Variants in WNT9B observed in about 807,000 individuals in gnomAD.
WNT9B encodes the protein Wnt family member 9B.
In WNT9B, 12 loss-of-function variants were observed where a neutral mutation model predicts 30.2. That is an observed-to-expected ratio of 0.40 (90% CI 0.26 to 0.64). WNT9B has a LOEUF of 0.64. Ranked by LOEUF, WNT9B falls within the 30% of genes least tolerant of loss-of-function variation. The probability of loss-of-function intolerance (pLI) is 0.42; values close to 1 mark genes in which losing one functional copy is unlikely to be tolerated. For synonymous variants in WNT9B, 218 were observed against 216.9 expected (o/e 1.01, Z -0.05); for missense variants, 442 against 485.2 (o/e 0.91, Z 0.84).
At chr17:46,875,447 C>T in intron 3 of WNT9B, 81 bp downstream of exon 3, 1 of 1,457,410 alleles carries the variant, frequency 6.9e-7, no homozygotes, top group Non-Finnish European at 9.1e-7. Context: ...AGGCCAGCAC[C>T]CCACTCCCCA....
chr17:46,854,059 A>G (rs1486938264), intron 1 of WNT9B, among the ~76,000 whole-genome samples: 2 of 152,214 alleles, frequency 1.3e-5, no homozygotes, highest in Non-Finnish European at 2.9e-5. Flanking sequence ...CCAGCTGGAA[A>G]GAGCTGACAA....
intron 1 of WNT9B, among the ~76,000 whole-genome samples, chr17:46,866,416 A>C (rs1186444793): frequency 1.3e-5 from 2 of 151,550 alleles, no homozygotes; most frequent in African/African-American, 4.8e-5. Flanking sequence ...GCATGAGTGT[A>C]TGTGCGAGTA....
upstream of WNT9B, among the ~76,000 whole-genome samples, chr17:46,847,081 A>G (rs973466413): frequency 5.3e-5 from 8 of 152,222 alleles, no homozygotes; most frequent in African/African-American, 1.9e-4. Context: ...CATTCTTGTC[A>G]TAGAAAACTA....
chr17:46,865,487 G>C (rs2085118158), intron 1 of WNT9B, among the ~76,000 whole-genome samples: 1 of 152,176 alleles, frequency 6.6e-6, no homozygotes, highest in Non-Finnish European at 1.5e-5. Context: ...GTGGGTTCAT[G>C]GGGATGGAGG....
At chr17:46,882,017 G>T (rs574877543), downstream of WNT9B, among the ~76,000 whole-genome samples, 1 of 152,144 alleles carries the variant, frequency 6.6e-6, no homozygotes, top group East Asian at 1.9e-4. Flanking sequence ...TTCTGGCCAG[G>T]CACAGGTTCA....
In WNT9B at chr17:46,877,465, C is replaced by T. The variant is rs2085363907; in HGVS notation, c.*747C>T. ...CTCACCCAGCCGTGCTCAAAACTACCACCAGTGCAGGTAAGACAGGTGGGA... is the reference window on the plus strand; with the variant it reads ...CTCACCCAGCCGTGCTCAAAACTACTACCAGTGCAGGTAAGACAGGTGGGA... On this transcript the variant is annotated 3_prime_UTR_variant, in exon 4 of 4. Transcript: ENST00000290015. 6.6e-6 allele frequency among the ~76,000 whole-genome samples: 1 copy of T among 152,196 alleles called. No individual in the cohort carries two copies. Among genetic ancestry groups the T allele is most frequent in the Non-Finnish European group, 1.5e-5 (1 of 68,030 alleles).
upstream of WNT9B, chr17:46,851,537 G>A (rs2084844594): frequency 8.9e-6 from 5 of 562,874 alleles, no homozygotes; most frequent in Non-Finnish European, 1.3e-5. This position sits in a 1 kb window ranked among gnomAD's most constrained non-coding sequence, Gnocchi z 4.3. Context: ...AGCGCCGCCT[G>A]CCCCGCCCCA....
chr17:46,865,329 C>T (rs921924827), intron 1 of WNT9B, among the ~76,000 whole-genome samples: 14 of 152,168 alleles, frequency 9.2e-5, no homozygotes, highest in East Asian at 5.8e-4. Flanking sequence ...GCCTGGTCTG[C>T]GGCTGTGAGA....
chr17:46,838,989 T>G (rs1598824963), intron 1 of WNT9B, among the ~76,000 whole-genome samples: 1 of 152,224 alleles, frequency 6.6e-6, no homozygotes, highest in African/African-American at 2.4e-5. Context: ...GCCATTCTCC[T>G]GCCTCAGCCT....
At chr17:46,837,944 G>T (rs1023818823) in intron 1 of WNT9B, among the ~76,000 whole-genome samples, 6 of 152,172 alleles carry the variant, frequency 3.9e-5, no homozygotes, top group African/African-American at 1.4e-4. Context: ...AAATCACTCA[G>T]AGGGGCTTCA....
intron 2 of WNT9B, among the ~76,000 whole-genome samples, chr17:46,873,203 A>G (rs1485782073): frequency 1.3e-5 from 2 of 151,842 alleles, no homozygotes; most frequent in Non-Finnish European, 2.9e-5. Context: ...GAGCCAGGCG[A>G]TGCATTTGTT....
chr17:46,853,860 A>G (rs1224377055), intron 1 of WNT9B, among the ~76,000 whole-genome samples: 1 of 152,066 alleles, frequency 6.6e-6, no homozygotes, highest in Non-Finnish European at 1.5e-5. Flanking sequence ...ATGAGAGGAG[A>G]GGGGTTCCAG....
intron 1 of WNT9B, among the ~76,000 whole-genome samples, chr17:46,856,308 T>C (rs2084937039): frequency 6.6e-6 from 1 of 152,140 alleles, no homozygotes; most frequent in Non-Finnish European, 1.5e-5. Context: ...CTGGATAGGG[T>C]GTCTGGCACA....
intron 1 of WNT9B, among the ~76,000 whole-genome samples, chr17:46,840,496 A>G (rs1380591034): frequency 6.6e-6 from 1 of 152,232 alleles, no homozygotes; most frequent in Non-Finnish European, 1.5e-5. Context: ...TTATAGTAGC[A>G]TGATTTATAA....
chr17:46,864,877 C>T (rs1215650334), intron 1 of WNT9B, among the ~76,000 whole-genome samples: 1 of 152,178 alleles, frequency 6.6e-6, no homozygotes, highest in Non-Finnish European at 1.5e-5. Context: ...GCACAGCCTC[C>T]AGGACACCTT....
rs2085376649 is a variant in WNT9B at position 46,878,302 on chromosome 17, T to C, written c.*1584T>C. ...CAACACAGGAAATTTCAGAATCAGCTGAATGCTCAGAAACCTCGCCTGTGC... is the reference window on the plus strand; with the variant it reads ...CAACACAGGAAATTTCAGAATCAGCCGAATGCTCAGAAACCTCGCCTGTGC... On this transcript the variant is annotated 3_prime_UTR_variant, in exon 4 of 4. Transcript: ENST00000290015. Among the ~76,000 whole-genome samples the C allele has an allele frequency of 6.6e-6, 1 of 152,192 alleles. No individual in the cohort carries two copies. The highest frequency in any genetic ancestry group is 1.5e-5 in the Non-Finnish European group (1 of 68,036).
chr17:46,871,340 G>T (rs1236995606), intron 1 of WNT9B, among the ~76,000 whole-genome samples: 1 of 152,166 alleles, frequency 6.6e-6, no homozygotes, highest in Non-Finnish European at 1.5e-5. Context: ...CAAACATTTT[G>T]AACCAGCAGA....
chr17:46,875,196 A>G lies in WNT9B; in HGVS notation c.430A>G (p.Thr144Ala). The G allele has an allele frequency of 1.2e-6, 2 of 1,614,100 alleles. No homozygotes were observed. Among genetic ancestry groups the G allele is most frequent in the Non-Finnish European group, 1.7e-6 (2 of 1,180,044 alleles). Reference protein sequence around the residue: ...ACSAGRMERCTCDDSPGLESR... With the variant: ...ACSAGRMERCACDDSPGLESR... ...CAGCGCTGGGCGCATGGAGCGCTGC[A>G]CCTGTGATGACTCTCCGGGGCTGGA... Residue 144 changes from threonine (T) to alanine (A), a missense_variant, in exon 3 of 4, where the codon ACC becomes GCC. Physicochemically the swap from Thr to Ala is moderately conservative, Grantham distance 58. Transcript: ENST00000290015.
At chr17:46,851,098 G>A (rs1464503722), upstream of WNT9B, among the ~76,000 whole-genome samples, 1 of 151,766 alleles carries the variant, frequency 6.6e-6, no homozygotes, top group African/African-American at 2.4e-5. The surrounding 1 kb of genome is among the most constrained non-coding windows in gnomAD (Gnocchi z 4.3). Flanking sequence ...ACCCGGCCCT[G>A]CCCTGAGTCT....
Sources: allele counts gnomAD v4.1 joint callset (sites outside exome capture counted in the v4.1 genomes callset), GRCh38; gene constraint gnomAD v4.1.1; non-coding constraint Gnocchi (gnomAD v3.1); transcripts MANE v1.5; gene names NCBI Gene and HGNC (gene_info 2026-07-23, HGNC 2026-07-21).